The following NFIB variants were observed in gnomAD, a reference collection of about 807,000 sequenced individuals.
NFIB encodes nuclear factor 1 B-type.
Under a neutral mutation model 61.5 loss-of-function variants are expected in NFIB, and 11 were observed. The observed-to-expected ratio is 0.18, with a 90% CI of 0.11 to 0.30. The LOEUF (loss-of-function observed/expected upper bound fraction) is 0.30. Among genes scored for constraint, NFIB ranks in the 10% least tolerant of loss-of-function variants. The pLI is 1.00. For synonymous variants in NFIB, 260 were observed against 216.5 expected, an observed-to-expected ratio of 1.20 and a Z score of -1.76; for missense variants, 471 against 608.9, an observed-to-expected ratio of 0.77 and a Z score of 2.38.
At chr9:14,438,577 G>C in the NFIB span, among the ~76,000 whole-genome samples, 1 of 152,290 alleles carries the variant, frequency 6.6e-6, no homozygotes, top group South Asian at 2.1e-4. Context: ...GGTGGAGGTG[G>C]AGAGGGGTTG....
intron 2 of NFIB, among the ~76,000 whole-genome samples, chr9:14,241,704 T>C (rs759825787): frequency 1.3e-5 from 2 of 152,154 alleles, no homozygotes; most frequent in Admixed American, 6.6e-5. Context: ...AGGAATAATA[T>C]GTACAGGTTA....
At chr9:14,191,487 A>T (rs925008147) in intron 2 of NFIB, among the ~76,000 whole-genome samples, 3 of 152,200 alleles carry the variant, frequency 2.0e-5, no homozygotes, top group South Asian at 2.1e-4. Context: ...TATCCATTTT[A>T]AAAAAGGGAA....
Position 14,216,538 on chromosome 9 carries a change from CTCTCCCTCTGTGTG to C in NFIB, c.563-36772_563-36759del, listed in dbSNP as rs1420981876. ...TCTCTCTCTCTCTCTCTCTCTCTCT[CTCTCCCTCTGTGTG>C]TGTGTGTGTGTGTGTGTGTGTGTGT... is the stretch of plus-strand genomic sequence containing the variant. On this transcript the variant is annotated intron_variant, in intron 2 of 10. Coordinates refer to ENST00000380953, the MANE Select transcript of NFIB (RefSeq NM_001190737.2). 7.0e-3 allele frequency among the ~76,000 whole-genome samples: 215 copies of C among 30,580 alleles called. 4 individuals carry two copies. The highest frequency in any genetic ancestry group is 0.031 in the African/African-American group (197 of 6,268). 20.1% of individuals were successfully genotyped at this position (30,580 alleles called of 152,430 possible).
At chr9:14,486,787 G>A in the NFIB span, among the ~76,000 whole-genome samples, 1 of 152,104 alleles carries the variant, frequency 6.6e-6, no homozygotes, top group Non-Finnish European at 1.5e-5. Flanking sequence ...GCATGGTGGG[G>A]TATAACTGGA....
At chr9:14,249,219 A>C (rs1288466413) in intron 2 of NFIB, among the ~76,000 whole-genome samples, 1 of 151,940 alleles carries the variant, frequency 6.6e-6, no homozygotes, top group African/African-American at 2.4e-5. Context: ...TAAACTGAGG[A>C]TGGGGGTAGA....
intron 2 of NFIB, among the ~76,000 whole-genome samples, chr9:14,212,206 C>T (rs73413895): frequency 0.092 from 14,039 of 152,174 alleles, 2,170 homozygotes; most frequent in African/African-American, 0.32. Flanking sequence ...AAGACTCATA[C>T]AAATAATTAG....
chr9:14,314,334 C>T (rs888011709), upstream of NFIB: 91 of 170,798 alleles, frequency 5.3e-4, no homozygotes, highest in Non-Finnish European at 8.9e-4. Context: ...GCCGCCCGCC[C>T]GCCCGCCTCG....
At chr9:14,402,491 G>A (rs2061752766), upstream of NFIB, among the ~76,000 whole-genome samples, 3 of 152,030 alleles carry the variant, frequency 2.0e-5, no homozygotes, top group Middle Eastern at 3.2e-3. Context: ...AGTCATTAAT[G>A]TTGTAATGGG....
the NFIB span, among the ~76,000 whole-genome samples, chr9:14,527,747 C>G: frequency 6.6e-6 from 1 of 152,236 alleles, no homozygotes; most frequent in South Asian, 2.1e-4. Context: ...CTTTAGACAA[C>G]TAGTTGTTAT....
At chr9:14,109,861 T>C (rs1193512603) in intron 10 of NFIB, among the ~76,000 whole-genome samples, 4 of 152,076 alleles carry the variant, frequency 2.6e-5, no homozygotes, top group South Asian at 2.1e-4. Flanking sequence ...TTTTCAGTGA[T>C]AGGTGAACTT....
chr9:14,259,959 A>T (rs1384294223), intron 2 of NFIB, among the ~76,000 whole-genome samples: 1 of 152,202 alleles, frequency 6.6e-6, no homozygotes, highest in Admixed American at 6.5e-5. Context: ...CAGATATTTT[A>T]GTTGACTGGG....
chr9:14,216,543 C>CT (rs2050940570), intron 2 of NFIB, among the ~76,000 whole-genome samples: 6 of 29,898 alleles, frequency 2.0e-4, no homozygotes, highest in East Asian at 5.7e-4. Flanking sequence ...TCTCTCTCTC[C>CT]CTCTGTGTGT....
intron 1 of NFIB, among the ~76,000 whole-genome samples, chr9:14,346,419 G>A (rs1354208009): frequency 2.0e-5 from 3 of 151,858 alleles, no homozygotes; most frequent in Admixed American, 6.6e-5. Context: ...AAAAATCTAG[G>A]CTAAGCGCAG....
At chr9:14,528,338 T>C in the NFIB span, among the ~76,000 whole-genome samples, 1 of 152,188 alleles carries the variant, frequency 6.6e-6, no homozygotes, top group South Asian at 2.1e-4. Flanking sequence ...GGTTCACTGT[T>C]TTAACACACT....
chr9:14,295,002 T>A (rs2059338545), intron 2 of NFIB, among the ~76,000 whole-genome samples: 1 of 152,196 alleles, frequency 6.6e-6, no homozygotes, highest in Non-Finnish European at 1.5e-5. Context: ...AACACGGTGA[T>A]CCCAAATCAC....
intron 1 of NFIB, among the ~76,000 whole-genome samples, chr9:14,360,690 G>C (rs1389592900): frequency 6.6e-6 from 1 of 151,750 alleles, no homozygotes; most frequent in Non-Finnish European, 1.5e-5. Context: ...GACTACAGGC[G>C]CCCGCCAATA....
At chr9:14,462,334 G>C in the NFIB span, among the ~76,000 whole-genome samples, 1 of 150,880 alleles carries the variant, frequency 6.6e-6, no homozygotes, top group Non-Finnish European at 1.5e-5. Context: ...CCAGGCTGGA[G>C]TGCAGTGGCG....
At chr9:14,270,473 A>T (rs1024814133) in intron 2 of NFIB, among the ~76,000 whole-genome samples, 3 of 151,598 alleles carry the variant, frequency 2.0e-5, no homozygotes, top group African/African-American at 7.3e-5. Flanking sequence ...CCTTGGCTAT[A>T]AAATCCCCAG....
intron 2 of NFIB, among the ~76,000 whole-genome samples, chr9:14,248,337 C>A (rs75982685): frequency 6.7e-6 from 1 of 149,400 alleles, no homozygotes; most frequent in Non-Finnish European, 1.5e-5. Context: ...TTTCTTCCTT[C>A]CTTCCTTCCT....
Sources: gnomAD v4.1 joint callset for allele counts (sites outside exome capture counted in the v4.1 genomes callset) on GRCh38, gnomAD v4.1.1 for gene constraint, MANE v1.5 for transcripts, NCBI Gene and HGNC (gene_info 2026-07-23, HGNC 2026-07-21) for gene names.